WDR33: variants seen among roughly 807,000 people sequenced by gnomAD.
WDR33 encodes WD repeat domain 33.
WDR33 carries 47 observed loss-of-function variants against 164.9 expected under a neutral mutation model. The ratio of observed to expected loss-of-function variants is 0.29; its 90% CI spans 0.23 to 0.36. WDR33 has a LOEUF of 0.36. Ranked by LOEUF, WDR33 falls within the 10% of genes least tolerant of loss-of-function variation. WDR33 has a pLI of 1.00. For missense variants in WDR33, 1,137 were observed against 1,754.1 expected, an observed-to-expected ratio of 0.65 and a Z score of 6.28; for synonymous variants, 505 against 589.0, an observed-to-expected ratio of 0.86 and a Z score of 2.06.
Position 127,735,842 on chromosome 2 carries a change from C to A in WDR33, c.725-9065G>T, listed in dbSNP as rs1686825856. On this transcript the variant is annotated intron_variant, in intron 7 of 21. Transcript: ENST00000322313. The surrounding 1 kb of genome is among the most constrained non-coding windows in gnomAD (Gnocchi z 4.3). ...TTAATGCAAAATGATTTCACCACAA[C>A]CCAACAGTCAACATCAACTTGGAGT... The A allele has an allele frequency of 1.0e-6, 1 of 985,348 alleles. No homozygotes were observed. The highest frequency in any genetic ancestry group is 1.7e-5 in the African/African-American group (1 of 57,254). 61.0% of individuals were successfully genotyped at this position (985,348 alleles called of 1,614,324 possible). A position where few individuals can be genotyped will look rare whatever the true frequency, so the allele number is the denominator to read the frequency against.
rs17599575 is a variant in WDR33, at chr2:127,723,399, G to A, written c.1197-52C>T. 0.083 allele frequency: 120,920 copies of A among 1,463,652 alleles called. 5,197 individuals are homozygous for A. The highest frequency in any genetic ancestry group is 0.092 in the Non-Finnish European group (96,559 of 1,048,386). The allele number at this position is 1,463,652 out of a possible 1,614,324, so 90.7% of individuals were successfully genotyped here. Reference sequence around the variant, plus strand: ...AAGCATGGCTTCACTATTTTTTTGGGCACTAAACAGTACTAGGCAGACCCT... The same window carrying A: ...AAGCATGGCTTCACTATTTTTTTGGACACTAAACAGTACTAGGCAGACCCT... On this transcript the variant is annotated intron_variant, in intron 11 of 21. Transcript: ENST00000322313. The surrounding 1 kb of genome is among the most constrained non-coding windows in gnomAD (Gnocchi z 5.9).
chr2:127,753,491 T>C (rs1687430999), intron 7 of WDR33, among the ~76,000 whole-genome samples: 1 of 152,210 alleles, frequency 6.6e-6, no homozygotes, highest in South Asian at 2.1e-4. Context: ...GGAAATGACA[T>C]ATCAATGAGT....
intron 7 of WDR33, among the ~76,000 whole-genome samples, chr2:127,748,325 G>A (rs909133534): frequency 1.3e-5 from 2 of 152,188 alleles, no homozygotes; most frequent in African/African-American, 4.8e-5. Context: ...TCTATGACAG[G>A]TGTACTCCTA....
chr2:127,759,216 T>G (rs1289060206), intron 7 of WDR33, among the ~76,000 whole-genome samples: 1 of 152,214 alleles, frequency 6.6e-6, no homozygotes, highest in Non-Finnish European at 1.5e-5. Flanking sequence ...AATGCTGCAG[T>G]ATATTCTATT....
chr2:127,738,178 C>T lies in WDR33; in HGVS notation c.725-11401G>A. ...AGATTTTTTTCTATTAATGAGTAAT[C>T]TGAGATAACATATGCTCCAACTGGA... On this transcript the variant is annotated intron_variant, in intron 7 of 21. Transcript: ENST00000322313. This position sits in a 1 kb window ranked among gnomAD's most constrained non-coding sequence, Gnocchi z 4.4. 4.0e-6 allele frequency: 3 copies of T among 748,618 alleles called. No individual in the cohort carries two copies. The highest frequency in any genetic ancestry group is 5.9e-6 in the Non-Finnish European group (3 of 511,126). The allele number at this position is 748,618 out of a possible 1,614,324, so 46.4% of individuals were successfully genotyped here.
intron 1 of WDR33, among the ~76,000 whole-genome samples, chr2:127,778,571 A>C (rs1254786708): frequency 6.6e-6 from 1 of 152,120 alleles, no homozygotes; most frequent in Non-Finnish European, 1.5e-5. Context: ...TCAGTACAGA[A>C]GAGCTCAAAA....
intron 1 of WDR33, among the ~76,000 whole-genome samples, chr2:127,772,205 G>A (rs1413626398): frequency 6.6e-6 from 1 of 152,278 alleles, no homozygotes; most frequent in Admixed American, 6.5e-5. Flanking sequence ...GGGAGGCCGA[G>A]ATGGGCGGAT....
chr2:127,744,160 G>A (rs1223534206), intron 7 of WDR33, among the ~76,000 whole-genome samples: 3 of 152,072 alleles, frequency 2.0e-5, no homozygotes, highest in African/African-American at 7.2e-5. Flanking sequence ...AAACTTCATC[G>A]TTGATGACTT....
At chr2:127,786,781 G>T (rs1217427924) in intron 1 of WDR33, among the ~76,000 whole-genome samples, 5 of 150,196 alleles carry the variant, frequency 3.3e-5, no homozygotes, top group Non-Finnish European at 5.9e-5. Flanking sequence ...AGATTCCTTG[G>T]GATTTTCTAA....
chr2:127,708,664 G>A lies in WDR33; in HGVS notation c.3781+13C>T. On this transcript the variant is annotated intron_variant, in intron 21 of 21. Coordinates refer to ENST00000322313, the MANE Select transcript of WDR33 (RefSeq NM_018383.5). The surrounding 1 kb of genome is among the most constrained non-coding windows in gnomAD (Gnocchi z 6.7). ...TGCATCTCCTGGAACCATAACCACT[G>A]GCCTGCTCTTACCTTTGCCTCCTCG... The A allele has an allele frequency of 6.3e-7, 1 of 1,585,150 alleles. No individual in the cohort carries two copies. The highest frequency in any genetic ancestry group is 1.3e-5 in the African/African-American group (1 of 74,292).
At chr2:127,728,273 A>G (rs1283135725) in intron 7 of WDR33, among the ~76,000 whole-genome samples, 1 of 152,210 alleles carries the variant, frequency 6.6e-6, no homozygotes, top group Non-Finnish European at 1.5e-5. Flanking sequence ...GACCCTATAG[A>G]TGATTTAATG....
At chr2:127,793,152 C>T (rs1243769834) in intron 1 of WDR33, among the ~76,000 whole-genome samples, 3 of 152,156 alleles carry the variant, frequency 2.0e-5, no homozygotes, top group Admixed American at 2.0e-4. Flanking sequence ...AATTTAGGGC[C>T]TGGCACGGTG....
intron 1 of WDR33, among the ~76,000 whole-genome samples, chr2:127,809,031 CAAAAAAAAAAAA>C (rs11305287): frequency 3.4e-4 from 29 of 84,918 alleles, no homozygotes; most frequent in Admixed American, 1.8e-3. Flanking sequence ...ACTCTTGTCT[CAAAAAAAAAAAA>C]AAAAAAAAAA....
In WDR33 at chr2:127,710,181, T is replaced by G. The variant is rs1467025636; in HGVS notation, c.3309-325A>C. Among the ~76,000 whole-genome samples the G allele has an allele frequency of 6.6e-6, 1 of 152,220 alleles. No individual in the cohort carries two copies. The highest frequency in any genetic ancestry group is 1.5e-5 in the Non-Finnish European group (1 of 68,038). On this transcript the variant is annotated intron_variant, in intron 18 of 21. Transcript: ENST00000322313. The surrounding 1 kb of genome is among the most constrained non-coding windows in gnomAD (Gnocchi z 4.4). Reference sequence around the variant, plus strand: ...AAGCTGGTATTATCAGCAGTTCCACTGATGAGAACACTGAGGCCCAGATTG... The same window carrying G: ...AAGCTGGTATTATCAGCAGTTCCACGGATGAGAACACTGAGGCCCAGATTG...
intron 4 of WDR33, among the ~76,000 whole-genome samples, chr2:127,767,675 A>C (rs2105439831): frequency 6.6e-6 from 1 of 152,294 alleles, no homozygotes; most frequent in East Asian, 1.9e-4. Context: ...AGATCACGCC[A>C]CTGCACTCCA....
intron 7 of WDR33, among the ~76,000 whole-genome samples, chr2:127,740,431 C>T (rs1686980038): frequency 6.6e-6 from 1 of 152,046 alleles, no homozygotes; most frequent in Non-Finnish European, 1.5e-5. Flanking sequence ...TCATGGTGCC[C>T]AGGGGGACAT....
At position 127,741,836 on chromosome 2, in the gene WDR33, G is replaced by C. The variant is rs1687024494; in HGVS notation, c.725-15059C>G. Among the ~76,000 whole-genome samples the C allele has an allele frequency of 1.3e-5, 2 of 151,720 alleles. No individual in the cohort carries two copies. The highest frequency in any genetic ancestry group is 1.3e-4 in the Admixed American group (2 of 15,182). On this transcript the variant is annotated intron_variant, in intron 7 of 21. Transcript: ENST00000322313. This position sits in a 1 kb window ranked among gnomAD's most constrained non-coding sequence, Gnocchi z 4.1. ...TAAAAACAAACCAACTACAAAACAG[G>C]CTTCCTTGAAAAATGAAAAGATTAG...
At chr2:127,780,174 C>T (rs1688322861) in intron 1 of WDR33, among the ~76,000 whole-genome samples, 1 of 152,000 alleles carries the variant, frequency 6.6e-6, no homozygotes, top group African/African-American at 2.4e-5. Flanking sequence ...GGGGTTTCAC[C>T]GTGTTAGCCA....
intron 1 of WDR33, among the ~76,000 whole-genome samples, chr2:127,791,887 T>A (rs113161271): frequency 0.056 from 8,469 of 152,226 alleles, 375 homozygotes; most frequent in Non-Finnish European, 0.082. Flanking sequence ...CATTACTGCT[T>A]TTATAACATA....
Sources: allele counts gnomAD v4.1 joint callset (sites outside exome capture counted in the v4.1 genomes callset), GRCh38; gene constraint gnomAD v4.1.1; non-coding constraint Gnocchi (gnomAD v3.1); transcripts MANE v1.5; gene names NCBI Gene and HGNC (gene_info 2026-07-23, HGNC 2026-07-21).